The following ENTHD1 variants were observed in gnomAD, a reference collection of about 807,000 sequenced individuals.
The protein encoded by ENTHD1 is ENTH domain-containing protein 1.
ENTHD1 carries 23 observed loss-of-function variants against 39.1 expected under a neutral mutation model. The ratio of observed to expected loss-of-function variants is 0.59; its 90% CI spans 0.42 to 0.83. ENTHD1 has a LOEUF of 0.83. Among genes scored for constraint, ENTHD1 ranks in the 40% least tolerant of loss-of-function variants. The probability of loss-of-function intolerance (pLI) is 0.00; values close to 1 mark genes in which losing one functional copy is unlikely to be tolerated. For synonymous variants in ENTHD1, 230 were observed against 258.2 expected (o/e 0.89, Z 1.05); for missense variants, 624 against 705.4 (o/e 0.88, Z 1.31).
chr22:39,743,572 T>C lies in ENTHD1; in HGVS notation c.*107A>G. The C allele has an allele frequency of 1.5e-6, 2 of 1,314,346 alleles. No individual in the cohort carries two copies. Among genetic ancestry groups the C allele is most frequent in the Non-Finnish European group, 2.0e-6 (2 of 996,552 alleles). The allele number at this position is 1,314,346 out of a possible 1,614,324, so 81.4% of individuals were successfully genotyped here. A position where few individuals can be genotyped will look rare whatever the true frequency, so the allele number is the denominator to read the frequency against. On this transcript the variant is annotated 3_prime_UTR_variant, in exon 7 of 7. Coordinates refer to ENST00000325157, the MANE Select transcript of ENTHD1 (RefSeq NM_152512.4). ...GCTAATAAACCTGACAAGGAAAAAT[T>C]AAACCATCCCCTTTTTTGCCATAAT...
In ENTHD1 at chr22:39,831,789, A is replaced by G. The variant is rs1299456942; in HGVS notation, c.711+4051T>C. Among the ~76,000 whole-genome samples, 7 of 151,988 alleles carry G rather than the reference A, an allele frequency of 4.6e-5. No homozygotes were observed. The Middle Eastern group carries it at 0.01, about 223-fold the overall frequency. On this transcript the variant is annotated intron_variant, in intron 4 of 6. Coordinates refer to ENST00000325157, the MANE Select transcript of ENTHD1 (RefSeq NM_152512.4). Reference sequence around the variant, plus strand: ...TGCAGTGAGCCGAGATCATGCCACTACACTCCAGCCTGGGTGACAAGAGCA... The same window carrying G: ...TGCAGTGAGCCGAGATCATGCCACTGCACTCCAGCCTGGGTGACAAGAGCA...
rs1225400797 is a variant in ENTHD1, at chr22:39,743,622, G to T, written c.*57C>A. The T allele has an allele frequency of 2.6e-6, 4 of 1,511,344 alleles. No individual in the cohort carries two copies. Among genetic ancestry groups the T allele is most frequent in the Non-Finnish European group, 3.5e-6 (4 of 1,132,506 alleles). The allele number at this position is 1,511,344 out of a possible 1,614,324, so 93.6% of individuals were successfully genotyped here. On this transcript the variant is annotated 3_prime_UTR_variant, in exon 7 of 7. Coordinates refer to ENST00000325157, the MANE Select transcript of ENTHD1 (RefSeq NM_152512.4). ...TAATATGAATTTATACAATGCTAAC[G>T]TAAGTCTTGGGGAAGTGGAACCACA... is the stretch of plus-strand genomic sequence containing the variant.
chr22:39,806,508 G>A (rs1254064456), intron 5 of ENTHD1, among the ~76,000 whole-genome samples: 1 of 152,114 alleles, frequency 6.6e-6, no homozygotes, highest in Non-Finnish European at 1.5e-5. Flanking sequence ...GCACTGAGAG[G>A]ATGGCTGTAT....
In ENTHD1 at chr22:39,743,506, A is replaced by C; in HGVS notation, c.*173T>G. On this transcript the variant is annotated 3_prime_UTR_variant, in exon 7 of 7. Coordinates refer to ENST00000325157, the MANE Select transcript of ENTHD1 (RefSeq NM_152512.4). ...AAGGTGACATCTTTCCCTTTTAAAA[A>C]ATAAACCACCCAAATGAAAGTATTA... 1 of 703,036 alleles carries C rather than the reference A, an allele frequency of 1.4e-6. No homozygotes were observed. Among genetic ancestry groups the C allele is most frequent in the African/African-American group, 1.8e-5 (1 of 54,446 alleles). The allele number at this position is 703,036 out of a possible 1,614,324, so 43.5% of individuals were successfully genotyped here.
Position 39,743,547 on chromosome 22 carries a change from G to T in ENTHD1, c.*132C>A. 1 of 1,056,418 alleles carries T rather than the reference G, an allele frequency of 9.5e-7. No homozygotes were observed. The highest frequency in any genetic ancestry group is 1.3e-6 in the Non-Finnish European group (1 of 763,776). 65.4% of individuals were successfully genotyped at this position (1,056,418 alleles called of 1,614,324 possible). Reference sequence around the variant, plus strand: ...GAAAGTATTAGTTTGAAAGATACTTGCTAATAAACCTGACAAGGAAAAATT... The same window carrying T: ...GAAAGTATTAGTTTGAAAGATACTTTCTAATAAACCTGACAAGGAAAAATT... On this transcript the variant is annotated 3_prime_UTR_variant, in exon 7 of 7. Transcript: ENST00000325157.
In ENTHD1 at chr22:39,867,433, C is replaced by T. The variant is rs1343285548; in HGVS notation, c.350-5426G>A. Among the ~76,000 whole-genome samples, 1 of 152,056 alleles carries T rather than the reference C, an allele frequency of 6.6e-6. No individual in the cohort carries two copies. Among genetic ancestry groups the T allele is most frequent in the African/African-American group, 2.4e-5 (1 of 41,384 alleles). On this transcript the variant is annotated intron_variant, in intron 2 of 6. Transcript: ENST00000325157. The surrounding 1 kb of genome is among the most constrained non-coding windows in gnomAD (Gnocchi z 4.5). ...TACTCTTCTTCCCATATTCCTTTCTCGGTGACTTTTATCTCTACTCTAAGT... is the reference window on the plus strand; with the variant it reads ...TACTCTTCTTCCCATATTCCTTTCTTGGTGACTTTTATCTCTACTCTAAGT...
chr22:39,842,648 A>T (rs1340129825), intron 3 of ENTHD1, among the ~76,000 whole-genome samples: 5 of 152,066 alleles, frequency 3.3e-5, no homozygotes, highest in Non-Finnish European at 5.9e-5. Flanking sequence ...ACAGCAAAAG[A>T]AACGACCATC....
intron 3 of ENTHD1, among the ~76,000 whole-genome samples, chr22:39,861,136 TA>T (rs754574376): frequency 6.6e-6 from 1 of 152,208 alleles, no homozygotes; most frequent in Non-Finnish European, 1.5e-5. Flanking sequence ...CAGTTAAGGA[TA>T]AAAAACTTAA....
intron 4 of ENTHD1, among the ~76,000 whole-genome samples, chr22:39,829,016 C>A (rs1163248330): frequency 6.6e-6 from 1 of 152,194 alleles, no homozygotes; most frequent in Non-Finnish European, 1.5e-5. Context: ...AAGCGCCCCT[C>A]ATTCTGCCTA....
At chr22:39,779,670 TA>T (rs1480589764) in intron 5 of ENTHD1, among the ~76,000 whole-genome samples, 7 of 152,172 alleles carry the variant, frequency 4.6e-5, no homozygotes, top group African/African-American at 1.7e-4. Flanking sequence ...CTAACTCTAG[TA>T]TGAATCCCCA....
intron 5 of ENTHD1, among the ~76,000 whole-genome samples, chr22:39,793,340 TG>T (rs1015135037): frequency 2.0e-5 from 3 of 150,010 alleles, no homozygotes; most frequent in Non-Finnish European, 3.0e-5. Context: ...GATTATTAGT[TG>T]TTTTTTTTTT....
intron 3 of ENTHD1, among the ~76,000 whole-genome samples, chr22:39,843,078 A>T (rs2065957578): frequency 6.6e-6 from 1 of 152,046 alleles, no homozygotes; most frequent in Admixed American, 6.5e-5. Flanking sequence ...TAGAACTAGA[A>T]ATACCATTTG....
At chr22:39,883,059 T>C (rs1044847054) in intron 2 of ENTHD1, among the ~76,000 whole-genome samples, 1 of 149,062 alleles carries the variant, frequency 6.7e-6, no homozygotes, top group Non-Finnish European at 1.5e-5. Flanking sequence ...AAGAGAAATA[T>C]GTAAAAGATA....
intron 5 of ENTHD1, among the ~76,000 whole-genome samples, chr22:39,772,997 G>A (rs2065338759): frequency 6.6e-6 from 1 of 151,404 alleles, no homozygotes; most frequent in African/African-American, 2.4e-5. Flanking sequence ...CGGAATTAAA[G>A]AACTAGCTAG....
intron 2 of ENTHD1, among the ~76,000 whole-genome samples, chr22:39,871,876 G>A (rs1328823214): frequency 6.6e-6 from 1 of 152,184 alleles, no homozygotes; most frequent in Non-Finnish European, 1.5e-5. Context: ...CCTAAAGCCT[G>A]TAACATATGT....
intron 6 of ENTHD1, among the ~76,000 whole-genome samples, chr22:39,751,946 TAAAAA>T (rs1569124431): frequency 6.6e-6 from 1 of 152,130 alleles, no homozygotes; most frequent in African/African-American, 2.4e-5. Flanking sequence ...ACATGAGCCT[TAAAAA>T]AGAAAAATTT....
rs754882247 is a variant in ENTHD1, at chr22:39,820,950, A to G, written c.832+43T>C. 3.1e-6 allele frequency: 5 copies of G among 1,609,870 alleles called. No homozygotes were observed. The South Asian group carries it at 5.5e-5, about 18-fold the overall frequency. ...GCCAACGGTTGCTGTACTTCACAAA[A>G]TAAAATCTGATAAGTAAACTTCCTA... is the stretch of plus-strand genomic sequence containing the variant. On this transcript the variant is annotated intron_variant, in intron 5 of 6. Transcript: ENST00000325157.
intron 3 of ENTHD1, among the ~76,000 whole-genome samples, chr22:39,841,689 C>T (rs1317732172): frequency 2.7e-5 from 4 of 149,864 alleles, no homozygotes; most frequent in Non-Finnish European, 4.5e-5. Flanking sequence ...ACTCTTTATC[C>T]AATTTGCCAG....
intron 5 of ENTHD1, among the ~76,000 whole-genome samples, chr22:39,788,648 C>A (rs1394144876): frequency 6.6e-6 from 1 of 152,176 alleles, no homozygotes; most frequent in East Asian, 1.9e-4. Context: ...AGAAGTTCTA[C>A]TGTATGTAAA....
Sources: gnomAD v4.1 joint callset for allele counts (sites outside exome capture counted in the v4.1 genomes callset) on GRCh38, gnomAD v4.1.1 for gene constraint, Gnocchi (gnomAD v3.1) non-coding constraint, MANE v1.5 for transcripts, NCBI Gene and HGNC (gene_info 2026-07-23, HGNC 2026-07-21) for gene names.